The following ATP11A variants were observed in gnomAD, a reference collection of about 807,000 sequenced individuals.
ATP11A encodes ATPase phospholipid transporting 11A.
A neutral mutation model predicts 154.4 loss-of-function variants in ATP11A; 81 were observed. The observed-to-expected ratio is 0.52, with a 90% CI of 0.44 to 0.63. The LOEUF is 0.63. Among genes scored for constraint, ATP11A ranks in the 30% least tolerant of loss-of-function variants. ATP11A has a pLI of 0.00. For missense variants in ATP11A, 1,316 were observed against 1,474.3 expected (o/e 0.89, Z 1.76); for synonymous variants, 623 against 585.9 (o/e 1.06, Z -0.91).
chr13:112,855,383 G>A (rs149678235), intron 19 of ATP11A, among the ~76,000 whole-genome samples: 1,866 of 152,220 alleles, frequency 0.012, 29 homozygotes, highest in African/African-American at 0.043. Context: ...TCACCATGTT[G>A]GCCAGGCTGG....
chr13:112,873,450 G>A lies in ATP11A; in HGVS notation c.3058-123G>A, dbSNP rs550589467. 139 of 664,590 alleles carry A rather than the reference G, an allele frequency of 2.1e-4. 2 individuals are homozygous for A. Among genetic ancestry groups the A allele is most frequent in the Admixed American group, 4.0e-4 (12 of 29,954 alleles). The allele number at this position is 664,590 out of a possible 1,614,324, so 41.2% of individuals were successfully genotyped here. A position where few individuals can be genotyped will look rare whatever the true frequency, so the allele number is the denominator to read the frequency against. The stretch of plus-strand genomic sequence containing the variant: ...AGCCGTGTTTTGCAGGCATTGAGTC[G>A]TCATTGCTGGGTCTTGCGTTTGGTT... On this transcript the variant is annotated intron_variant, in intron 26 of 29. Transcript: ENST00000375645.
In ATP11A at chr13:112,882,809, G is replaced by C. The variant is rs2080914637; in HGVS notation, c.*943G>C. 2.5e-6 allele frequency: 1 copy of C among 399,388 alleles called. No individual in the cohort carries two copies. Among genetic ancestry groups the C allele is most frequent in the Non-Finnish European group, 4.4e-6 (1 of 226,712 alleles). 24.7% of individuals were successfully genotyped at this position (399,388 alleles called of 1,614,324 possible). On this transcript the variant is annotated 3_prime_UTR_variant, in exon 30 of 30. Coordinates refer to ENST00000375645, the MANE Select transcript of ATP11A (RefSeq NM_015205.3). This position sits in a 1 kb window ranked among gnomAD's most constrained non-coding sequence, Gnocchi z 5.1. Reference sequence around the variant, plus strand: ...TCGCGGGTGCGAGGGCCGGGAGACAGATACTTGGCTGTGATGAGCAGACAT... The same window carrying C: ...TCGCGGGTGCGAGGGCCGGGAGACACATACTTGGCTGTGATGAGCAGACAT...
At chr13:112,846,836 A>G (rs1322349342) in intron 17 of ATP11A, among the ~76,000 whole-genome samples, 1 of 152,204 alleles carries the variant, frequency 6.6e-6, no homozygotes, top group Non-Finnish European at 1.5e-5. Flanking sequence ...CGTGATGTCC[A>G]GCAGACCCAC....
chr13:112,874,582 C>T (rs1030842223), intron 27 of ATP11A, among the ~76,000 whole-genome samples: 3 of 152,176 alleles, frequency 2.0e-5, no homozygotes, highest in South Asian at 4.1e-4. Flanking sequence ...GGTCAGTAGC[C>T]GGCCTAGGGA....
chr13:112,736,750 A>C (rs1891040520), intron 1 of ATP11A, among the ~76,000 whole-genome samples: 1 of 152,244 alleles, frequency 6.6e-6, no homozygotes, highest in Non-Finnish European at 1.5e-5. Context: ...CAACAAACAA[A>C]TATATTACTA....
At chr13:112,860,441 G>A in intron 24 of ATP11A, 27 bp downstream of exon 24, 1 of 1,612,892 alleles carries the variant, frequency 6.2e-7, no homozygotes, top group South Asian at 1.1e-5. Context: ...AGCCTCTCCT[G>A]AGAGCAGAGA....
At chr13:112,802,124 C>T (rs1293553155) in intron 2 of ATP11A, among the ~76,000 whole-genome samples, 1 of 152,086 alleles carries the variant, frequency 6.6e-6, no homozygotes, top group African/African-American at 2.4e-5. Flanking sequence ...GCGGGCGGAT[C>T]ACGAGGTCAG....
At position 112,843,153 on chromosome 13, in the gene ATP11A, C is replaced by T. The variant is rs528603044; in HGVS notation, c.1809+774C>T. Among the ~76,000 whole-genome samples, 75 of 152,024 alleles carry T rather than the reference C, an allele frequency of 4.9e-4. 1 individual carries two copies. Among genetic ancestry groups the T allele is most frequent in the Non-Finnish European group, 1.8e-4 (12 of 67,976 alleles). ...GGACGTGCTCTCTCCCGTCAGATGT[C>T]CTAACGCCGAGTGACGCACGGCTGA... On this transcript the variant is annotated intron_variant, in intron 17 of 29. Transcript: ENST00000375645.
chr13:112,769,181 T>G (rs2077168017), intron 1 of ATP11A, among the ~76,000 whole-genome samples: 1 of 152,188 alleles, frequency 6.6e-6, no homozygotes, highest in African/African-American at 2.4e-5. Context: ...CCTCCCCCAC[T>G]TGCCTTTCTC....
chr13:112,881,191 A>C (rs922513125), intron 29 of ATP11A: 1 of 989,308 alleles, frequency 1.0e-6, no homozygotes, highest in African/African-American at 1.7e-5. Flanking sequence ...ACGGCCCCTC[A>C]TCAGACAGAT....
rs368001090 is a variant in ATP11A, at chr13:112,857,397, A to C, written c.2419-421A>C. On this transcript the variant is annotated intron_variant, in intron 20 of 29. Coordinates refer to ENST00000375645, the MANE Select transcript of ATP11A (RefSeq NM_015205.3). ...AGATGCTTTATACCAAATAGCTTGA[A>C]GTACCTTGGAATAGTGATCTTACAG... is the stretch of plus-strand genomic sequence containing the variant. Among the ~76,000 whole-genome samples the C allele has an allele frequency of 5.9e-5, 9 of 152,252 alleles. No individual in the cohort carries two copies. The East Asian group carries it at 1.3e-3, about 23-fold the overall frequency.
intron 25 of ATP11A, among the ~76,000 whole-genome samples, chr13:112,866,322 C>CCCT (rs2080331080): frequency 1.3e-5 from 2 of 152,206 alleles, no homozygotes; most frequent in Admixed American, 1.3e-4. Context: ...CCAGAGCTAG[C>CCCT]TCTGTGTTAG....
chr13:112,805,113 G>T (rs1046082750), intron 3 of ATP11A, 67 bp downstream of exon 3: 17 of 1,172,926 alleles, frequency 1.4e-5, no homozygotes, highest in Non-Finnish European at 2.0e-5. Context: ...TTATTCTCAG[G>T]TAACTGCCAC....
chr13:112,808,994 T>G (rs1286860102), intron 4 of ATP11A, among the ~76,000 whole-genome samples: 2 of 152,178 alleles, frequency 1.3e-5, no homozygotes, highest in Non-Finnish European at 2.9e-5. Context: ...GGCGCTAGGC[T>G]TTTCGGGGAT....
intron 19 of ATP11A, among the ~76,000 whole-genome samples, chr13:112,855,199 TTTG>T (rs1874357323): frequency 6.6e-6 from 1 of 152,166 alleles, no homozygotes; most frequent in Non-Finnish European, 1.5e-5. Flanking sequence ...GAGGGTTTTT[TTTG>T]TTGTTTTTTG....
chr13:112,745,909 T>C (rs966309006), intron 1 of ATP11A: 3 of 152,232 alleles, frequency 2.0e-5, no homozygotes, highest in African/African-American at 7.2e-5. Context: ...TCTGGGCCGT[T>C]AAACTAGGTG....
intron 16 of ATP11A, among the ~76,000 whole-genome samples, chr13:112,840,708 A>G (rs2079388977): frequency 6.6e-6 from 1 of 151,814 alleles, no homozygotes; most frequent in South Asian, 2.1e-4. Context: ...AAGTGTAGCC[A>G]TGTTCCCACA....
chr13:112,840,357 C>CAT (rs2079370623), intron 16 of ATP11A, among the ~76,000 whole-genome samples: 1 of 134,558 alleles, frequency 7.4e-6, no homozygotes, highest in Non-Finnish European at 1.6e-5. Context: ...CCCACTCTCC[C>CAT]GTGCCTTCCA....
At chr13:112,821,826 C>T (rs750564404) in intron 8 of ATP11A, among the ~76,000 whole-genome samples, 8 of 152,184 alleles carry the variant, frequency 5.3e-5, no homozygotes, top group Non-Finnish European at 1.0e-4. Flanking sequence ...TTTTTAAAAA[C>T]GCTGTTTGTT....
Sources: gnomAD v4.1 joint callset for allele counts (sites outside exome capture counted in the v4.1 genomes callset) on GRCh38, gnomAD v4.1.1 for gene constraint, Gnocchi (gnomAD v3.1) non-coding constraint, MANE v1.5 for transcripts, NCBI Gene and HGNC (gene_info 2026-07-23, HGNC 2026-07-21) for gene names.